The following KCNC2 variants were observed in gnomAD, a reference collection of about 807,000 sequenced individuals.
The protein encoded by KCNC2 is potassium voltage-gated channel subfamily C member 2, also known as voltage-gated potassium channel KCNC2.
Under a neutral mutation model 44.5 loss-of-function variants are expected in KCNC2, and 21 were observed. The observed-to-expected ratio is 0.47, with a 90% CI of 0.33 to 0.68. KCNC2 has a LOEUF of 0.68. Among genes scored for constraint, KCNC2 ranks in the 30% least tolerant of loss-of-function variants. The pLI is 0.01. For synonymous variants in KCNC2, 391 were observed against 339.1 expected (o/e 1.15, Z -1.68); for missense variants, 589 against 826.2 (o/e 0.71, Z 3.52).
In KCNC2 at chr12:75,050,761, G is replaced by A; in HGVS notation, c.1244C>T (p.Ala415Val). Reference protein sequence around the residue: ...RVGAQPNDPSASEHTQFKNIP... With the variant: ...RVGAQPNDPSVSEHTQFKNIP... ...GTTTTTGAACTGTGTGTGCTCACTA[G>A]CTGAAGGGTCGTTAGGTTGAGCTCC... Residue 415 changes from alanine to valine, a missense_variant, in exon 3 of 5, where the codon GCT becomes GTT. Physicochemically the swap from Ala to Val is moderately conservative, Grantham distance 64. Transcript: ENST00000549446. 1 of 1,613,504 alleles carries A rather than the reference G, an allele frequency of 6.2e-7. No homozygotes were observed. Among genetic ancestry groups the A allele is most frequent in the Non-Finnish European group, 8.5e-7 (1 of 1,179,862 alleles).
At chr12:75,085,402 A>T (rs1398990380) in intron 2 of KCNC2, among the ~76,000 whole-genome samples, 1 of 152,112 alleles carries the variant, frequency 6.6e-6, no homozygotes. Context: ...TGGCAACAGT[A>T]GCTGTCACTT....
At chr12:75,093,315 T>A (rs772176521) in intron 2 of KCNC2, among the ~76,000 whole-genome samples, 8 of 151,594 alleles carry the variant, frequency 5.3e-5, no homozygotes, top group Non-Finnish European at 7.4e-5. Flanking sequence ...TGTTACAAGA[T>A]CAGTTTAATT....
At chr12:75,048,418 A>G in intron 3 of KCNC2, 101 bp from the exon 4 acceptor site, 1 of 862,606 alleles carries the variant, frequency 1.2e-6, no homozygotes, top group Non-Finnish European at 1.7e-6. Flanking sequence ...CACTCGATAT[A>G]CAACACACAA....
At chr12:75,184,361 G>A (rs541665118) in intron 2 of KCNC2, among the ~76,000 whole-genome samples, 1 of 152,182 alleles carries the variant, frequency 6.6e-6, no homozygotes, top group African/African-American at 2.4e-5. Context: ...TAATCATCTA[G>A]TTCAGAGTCT....
Position 75,207,660 on chromosome 12 carries a change from C to A in KCNC2, c.324G>T (p.Pro108=), listed in dbSNP as rs2031802425. Residue 108 remains proline (P), a synonymous_variant, in exon 2 of 5, where the codon CCG becomes CCT. Transcript: ENST00000549446. The surrounding 1 kb of genome is among the most constrained non-coding windows in gnomAD (Gnocchi z 4.1). Reference sequence around the variant, plus strand: ...AATTGAGCACATAGGCGAAGACGCCCGGGTGCCGGTCGAAGAAGAACTCGC... The same window carrying A: ...AATTGAGCACATAGGCGAAGACGCCAGGGTGCCGGTCGAAGAAGAACTCGC... The part of the protein sequence containing the change: ...GGREFFFDRH[P]GVFAYVLNYY... The A allele has an allele frequency of 1.2e-6, 2 of 1,610,812 alleles. No homozygotes were observed. Among genetic ancestry groups the A allele is most frequent in the African/African-American group, 2.7e-5 (2 of 74,816 alleles).
chr12:75,130,389 TC>T (rs1888748766), intron 2 of KCNC2, among the ~76,000 whole-genome samples: 1 of 152,176 alleles, frequency 6.6e-6, no homozygotes, highest in Non-Finnish European at 1.5e-5. Flanking sequence ...TTTTTGAGAA[TC>T]TGTTTTCTAT....
chr12:75,143,343 A>G (rs992181281), intron 2 of KCNC2, among the ~76,000 whole-genome samples: 2 of 152,110 alleles, frequency 1.3e-5, no homozygotes, highest in African/African-American at 4.8e-5. Flanking sequence ...CCAGAAACAG[A>G]ATTTTTCTGC....
Position 75,041,558 on chromosome 12 carries a change from C to T in KCNC2, c.*1547G>A, listed in dbSNP as rs1297502190. ...ATTTATATTACGGTCTTTTTCTTCC[C>T]TCACATGCTCAATACATGAGACACG... On this transcript the variant is annotated 3_prime_UTR_variant, in exon 5 of 5. Transcript: ENST00000549446. The T allele has an allele frequency of 2.7e-6, 3 of 1,109,688 alleles. No homozygotes were observed. The highest frequency in any genetic ancestry group is 6.4e-5 in the East Asian group (1 of 15,716). The allele number at this position is 1,109,688 out of a possible 1,614,324, so 68.7% of individuals were successfully genotyped here.
At chr12:75,198,471 T>C (rs1252447460) in intron 2 of KCNC2, among the ~76,000 whole-genome samples, 1 of 151,888 alleles carries the variant, frequency 6.6e-6, no homozygotes, top group East Asian at 1.9e-4. Flanking sequence ...AGAATTCTAG[T>C]AACTTTCATA....
chr12:75,197,380 G>C (rs2030863266), intron 2 of KCNC2, among the ~76,000 whole-genome samples: 1 of 151,856 alleles, frequency 6.6e-6, no homozygotes. Flanking sequence ...CTTCATGTTT[G>C]CTCACTACTC....
At chr12:75,148,989 T>C (rs1890210587) in intron 2 of KCNC2, among the ~76,000 whole-genome samples, 1 of 148,260 alleles carries the variant, frequency 6.7e-6, no homozygotes. Flanking sequence ...ATCTTTTTGG[T>C]GACTGATATA....
intron 2 of KCNC2, among the ~76,000 whole-genome samples, chr12:75,115,566 G>GGATATA (rs1407066621): frequency 6.6e-6 from 1 of 152,112 alleles, no homozygotes; most frequent in Non-Finnish European, 1.5e-5. Flanking sequence ...GATTATTAGT[G>GGATATA]CTTTTGCCAG....
chr12:75,173,975 C>G (rs1469726992), intron 2 of KCNC2, among the ~76,000 whole-genome samples: 1 of 151,892 alleles, frequency 6.6e-6, no homozygotes. Context: ...TTTTCCAACA[C>G]AATCTATTTC....
intron 2 of KCNC2, among the ~76,000 whole-genome samples, chr12:75,143,054 T>C (rs994875705): frequency 6.6e-6 from 1 of 152,192 alleles, no homozygotes; most frequent in Non-Finnish European, 1.5e-5. Flanking sequence ...ATCAAGCAGT[T>C]CTGCATCCTC....
At chr12:75,073,927 A>G (rs1222428549) in intron 2 of KCNC2, among the ~76,000 whole-genome samples, 1 of 152,196 alleles carries the variant, frequency 6.6e-6, no homozygotes, top group East Asian at 1.9e-4. Flanking sequence ...ATATGCTGGA[A>G]AAGTGACTTT....
chr12:75,046,407 C>G (rs1049073152), intron 4 of KCNC2, among the ~76,000 whole-genome samples: 1 of 151,570 alleles, frequency 6.6e-6, no homozygotes, highest in African/African-American at 2.4e-5. Flanking sequence ...GTTTAAAACT[C>G]AAAACATTGT....
chr12:75,109,753 A>T (rs1334350822), intron 2 of KCNC2, among the ~76,000 whole-genome samples: 3 of 152,084 alleles, frequency 2.0e-5, no homozygotes, highest in Non-Finnish European at 4.4e-5. Context: ...AACCCAGAAA[A>T]CTGTGGATAA....
At chr12:75,063,170 A>G (rs1207307975) in intron 2 of KCNC2, among the ~76,000 whole-genome samples, 2 of 151,936 alleles carry the variant, frequency 1.3e-5, no homozygotes, top group African/African-American at 4.8e-5. Flanking sequence ...GTAAGGAGTG[A>G]ATTTTAGAGA....
intron 2 of KCNC2, among the ~76,000 whole-genome samples, chr12:75,073,042 T>C (rs897990772): frequency 2.6e-5 from 4 of 152,134 alleles, no homozygotes; most frequent in Non-Finnish European, 5.9e-5. Flanking sequence ...GCAAACTAAA[T>C]TGAGAATTGC....
Sources: allele counts gnomAD v4.1 joint callset (sites outside exome capture counted in the v4.1 genomes callset), GRCh38; gene constraint gnomAD v4.1.1; non-coding constraint Gnocchi (gnomAD v3.1); transcripts MANE v1.5; gene names NCBI Gene and HGNC (gene_info 2026-07-23, HGNC 2026-07-21).